The following CCDC88A variants were observed in gnomAD, a reference collection of about 807,000 sequenced individuals.
CCDC88A encodes the protein coiled-coil and HOOK domain protein 88A.
CCDC88A carries 54 observed loss-of-function variants against 234.3 expected under a neutral mutation model. The ratio of observed to expected loss-of-function variants is 0.23; its 90% CI spans 0.19 to 0.29. The LOEUF is 0.29. Among genes scored for constraint, CCDC88A ranks in the 10% least tolerant of loss-of-function variants. CCDC88A has a pLI of 1.00. For missense variants in CCDC88A, 1,832 were observed against 2,123.4 expected (o/e 0.86, Z 2.70); for synonymous variants, 753 against 737.8 (o/e 1.02, Z -0.33).
intron 12 of CCDC88A, among the ~76,000 whole-genome samples, chr2:55,341,136 CTTTCTTTTTTT>C (rs1208976735): frequency 6.5e-5 from 7 of 107,948 alleles, no homozygotes; most frequent in African/African-American, 1.5e-4. Flanking sequence ...GACAGAATTT[CTTTCTTTTTTT>C]TTTTTTTTTT....
At chr2:55,323,720 A>G (rs947230716) in intron 17 of CCDC88A, 1 of 151,912 alleles carries the variant, frequency 6.6e-6, no homozygotes, top group African/African-American at 2.4e-5. Context: ...TTCATTTTAT[A>G]TATTTTTTTG....
chr2:55,411,652 A>G (rs1327048759), intron 2 of CCDC88A, among the ~76,000 whole-genome samples: 1 of 151,808 alleles, frequency 6.6e-6, no homozygotes, highest in Non-Finnish European at 1.5e-5. Context: ...GGTGGTGGGC[A>G]CCTTGTAATC....
Position 55,308,949 on chromosome 2 carries a change from T to G in CCDC88A, c.4247A>C (p.Lys1416Thr). 6.2e-7 allele frequency: 1 copy of G among 1,614,108 alleles called. No homozygotes were observed. The highest frequency in any genetic ancestry group is 8.5e-7 in the Non-Finnish European group (1 of 1,179,962). ...GCGGGTGGGTGTTAATGTTAGAGAT[T>G]TCTGGCGTTCCCGATTAATATCTTT... ...SKKDINRERQKSLTLTPTRSD... is the reference protein window; with the variant it reads ...SKKDINRERQTSLTLTPTRSD... The change falls in exon 25 of 33, where the codon AAA becomes ACA. Residue 1416 changes from lysine to threonine, a missense_variant. By Grantham distance (78) the Lys-to-Thr change is moderately conservative (BLOSUM62 -1). This residue lies in a region of CCDC88A where 1,282 missense variants were observed against 1,543.6 expected (regional missense o/e 0.83). Coordinates refer to ENST00000436346, the MANE Select transcript of CCDC88A (RefSeq NM_001365480.1).
chr2:55,382,649 ATTTAC>A (rs942869067), intron 3 of CCDC88A, among the ~76,000 whole-genome samples: 16 of 152,326 alleles, frequency 1.1e-4, no homozygotes, highest in East Asian at 3.9e-4. Context: ...AACAGCTATA[ATTTAC>A]TTTATTTTCT....
chr2:55,288,083 CT>C lies in CCDC88A; in HGVS notation c.*3116del. On this transcript the variant is annotated 3_prime_UTR_variant, in exon 33 of 33. Transcript: ENST00000436346. ...ATTAGTTTTAAAGGAAATGTTACAGCTTTTATATTATTTGATTTGGTATTTA... is the reference window on the plus strand; with the variant it reads ...ATTAGTTTTAAAGGAAATGTTACAGCTTTATATTATTTGATTTGGTATTTA... 1 of 152,672 alleles carries C rather than the reference CT, an allele frequency of 6.5e-6. No individual in the cohort carries two copies. Among genetic ancestry groups the C allele is most frequent in the East Asian group, 1.9e-4 (1 of 5,188 alleles). The allele number at this position is 152,672 out of a possible 1,614,324, so 9.5% of individuals were successfully genotyped here.
At chr2:55,380,647 GCT>G (rs1674440252) in intron 3 of CCDC88A, among the ~76,000 whole-genome samples, 1 of 151,952 alleles carries the variant, frequency 6.6e-6, no homozygotes, top group Non-Finnish European at 1.5e-5. Flanking sequence ...ACAGAGTCTT[GCT>G]CTGTCACCCA....
At chr2:55,326,520 A>G (rs1381387708) in intron 17 of CCDC88A, among the ~76,000 whole-genome samples, 1 of 152,226 alleles carries the variant, frequency 6.6e-6, no homozygotes, top group Non-Finnish European at 1.5e-5. Flanking sequence ...CATAGCAGGA[A>G]GCTAGTCCAT....
intron 3 of CCDC88A, among the ~76,000 whole-genome samples, chr2:55,385,421 G>A (rs1675419334): frequency 6.6e-6 from 1 of 152,086 alleles, no homozygotes; most frequent in African/African-American, 2.4e-5. Context: ...TCAGAATGCA[G>A]CACAAGCTTA....
intron 3 of CCDC88A, among the ~76,000 whole-genome samples, chr2:55,385,139 TCAC>T (rs759099733): frequency 2.2e-4 from 33 of 151,850 alleles, no homozygotes; most frequent in Non-Finnish European, 3.8e-4. Context: ...ACTACTACTA[TCAC>T]CACCACTACC....
intron 19 of CCDC88A, among the ~76,000 whole-genome samples, chr2:55,318,337 C>T (rs753212006): frequency 1.3e-5 from 2 of 151,992 alleles, no homozygotes; most frequent in East Asian, 1.9e-4. Flanking sequence ...TTCTTTGATT[C>T]GGAGAGGGAA....
chr2:55,343,386 C>T (rs915900565), intron 12 of CCDC88A, among the ~76,000 whole-genome samples: 1 of 152,018 alleles, frequency 6.6e-6, no homozygotes, highest in African/African-American at 2.4e-5. Context: ...GATATTGCAG[C>T]CTCTTAGGAT....
chr2:55,313,696 A>T (rs1202078337), intron 22 of CCDC88A: 1 of 152,162 alleles, frequency 6.6e-6, no homozygotes, highest in East Asian at 1.9e-4. Flanking sequence ...AAGCAAAAGC[A>T]AATAACACAT....
chr2:55,343,872 CTTTTA>C, intron 11 of CCDC88A, 80 bp from the exon 12 acceptor site: 1 of 1,175,064 alleles, frequency 8.5e-7, no homozygotes, highest in Non-Finnish European at 1.2e-6. Context: ...TTTCTCACAA[CTTTTA>C]TTTATCAGAA....
chr2:55,392,062 T>G lies in CCDC88A; in HGVS notation c.165-3176A>C, dbSNP rs141110444. Among the ~76,000 whole-genome samples, 10 of 152,320 alleles carry G rather than the reference T, an allele frequency of 6.6e-5. No homozygotes were observed. The East Asian group carries it at 1.9e-3, about 29-fold the overall frequency. ...GTTTGTCTGATAAGACTGTGTTGACTCATAATTAAGTTTAGGATATATATC... is the reference window on the plus strand; with the variant it reads ...GTTTGTCTGATAAGACTGTGTTGACGCATAATTAAGTTTAGGATATATATC... On this transcript the variant is annotated intron_variant, in intron 2 of 32. Transcript: ENST00000436346.
intron 5 of CCDC88A, among the ~76,000 whole-genome samples, chr2:55,371,908 T>C (rs1480963732): frequency 6.6e-6 from 1 of 152,242 alleles, no homozygotes; most frequent in African/African-American, 2.4e-5. Context: ...AAAATCTATG[T>C]AAGGGATAAT....
Position 55,328,497 on chromosome 2 carries a change from A to G in CCDC88A, c.2856-62T>C. On this transcript the variant is annotated intron_variant, in intron 16 of 32. Transcript: ENST00000436346. The surrounding 1 kb of genome is among the most constrained non-coding windows in gnomAD (Gnocchi z 4.3). ...GGTCAGAAAATTATTTTTAAAGATA[A>G]TTTATGACCACAAATATTCATGCCA... 1 of 1,190,494 alleles carries G rather than the reference A, an allele frequency of 8.4e-7. No homozygotes were observed. The highest frequency in any genetic ancestry group is 1.1e-6 in the Non-Finnish European group (1 of 873,416). The allele number at this position is 1,190,494 out of a possible 1,614,324, so 73.7% of individuals were successfully genotyped here.
intron 31 of CCDC88A, chr2:55,295,018 C>A: frequency 8.3e-7 from 1 of 1,206,960 alleles, no homozygotes. Context: ...ATTAGAGAAG[C>A]AGTGTATATC....
chr2:55,418,999 A>T lies in CCDC88A; in HGVS notation c.63+18T>A. The T allele has an allele frequency of 6.2e-7, 1 of 1,608,768 alleles. No individual in the cohort carries two copies. Among genetic ancestry groups the T allele is most frequent in the South Asian group, 1.1e-5 (1 of 90,978 alleles). ...CAAATAACTCAGCAAAATATACAATAAAGGACACCCCACTTACCCAAGTGA... is the reference window on the plus strand; with the variant it reads ...CAAATAACTCAGCAAAATATACAATTAAGGACACCCCACTTACCCAAGTGA... On this transcript the variant is annotated intron_variant, in intron 1 of 32. Coordinates refer to ENST00000436346, the MANE Select transcript of CCDC88A (RefSeq NM_001365480.1).
intron 10 of CCDC88A, among the ~76,000 whole-genome samples, chr2:55,344,871 T>C (rs1458563743): frequency 6.6e-6 from 1 of 152,212 alleles, no homozygotes; most frequent in Non-Finnish European, 1.5e-5. Context: ...GAAATAGATT[T>C]AAATATTTCT....
Sources: gnomAD v4.1 joint callset for allele counts (sites outside exome capture counted in the v4.1 genomes callset) on GRCh38, gnomAD v4.1.1 for gene constraint, gnomAD v4.1.1 regional missense constraint, Gnocchi (gnomAD v3.1) non-coding constraint, MANE v1.5 for transcripts, NCBI Gene and HGNC (gene_info 2026-07-23, HGNC 2026-07-21) for gene names.